The following PHACTR1 variants were observed in gnomAD, a reference collection of about 807,000 sequenced individuals.
The protein encoded by PHACTR1 is RPEL repeat containing 1.
Under a neutral mutation model 69.2 loss-of-function variants are expected in PHACTR1, and 16 were observed. The ratio of observed to expected loss-of-function variants is 0.23; its 90% CI spans 0.16 to 0.35. The LOEUF is 0.35. Among genes scored for constraint, PHACTR1 ranks in the 10% least tolerant of loss-of-function variants. The pLI is 1.00. For synonymous variants in PHACTR1, 312 were observed against 284.5 expected, an observed-to-expected ratio of 1.10 and a Z score of -0.97; for missense variants, 510 against 734.7, an observed-to-expected ratio of 0.69 and a Z score of 3.54.
At chr6:12,764,058 C>G (rs1768334373) in intron 4 of PHACTR1, among the ~76,000 whole-genome samples, 1 of 152,060 alleles carries the variant, frequency 6.6e-6, no homozygotes, top group African/African-American at 2.4e-5. Context: ...AATGGTGACA[C>G]TAATTTGGAG....
chr6:12,718,930 C>T lies in PHACTR1; in HGVS notation c.103+83C>T, dbSNP rs1038788949. ...CCATGTAGGCTGTAGCTGTTAAAGC[C>T]TTGCTCTGAAAGTTTAATAACCGGT... On this transcript the variant is annotated intron_variant, in intron 3 of 14. Coordinates refer to ENST00000332995, the MANE Select transcript of PHACTR1 (RefSeq NM_030948.6). 9 of 751,512 alleles carry T rather than the reference C, an allele frequency of 1.2e-5. No homozygotes were observed. In the African/African-American group the frequency reaches 1.6e-4, roughly 13 times the overall value. 46.6% of individuals were successfully genotyped at this position (751,512 alleles called of 1,614,324 possible).
At chr6:13,146,631 T>G (rs1823391614) in intron 5 of PHACTR1, among the ~76,000 whole-genome samples, 1 of 152,222 alleles carries the variant, frequency 6.6e-6, no homozygotes, top group East Asian at 1.9e-4. Flanking sequence ...TGCTATTATC[T>G]TTTAGGTAAC....
At chr6:13,190,063 G>A (rs139232839) in intron 7 of PHACTR1, among the ~76,000 whole-genome samples, 1,621 of 137,972 alleles carry the variant, frequency 0.012, 34 homozygotes, top group African/African-American at 0.042. Context: ...CTACTCCGTC[G>A]CCCAGGCTAG....
rs1323298798 is a variant in PHACTR1, at chr6:13,283,425, A to T, written c.1513A>T (p.Ser505Cys). ...CCATCTCTCTCCCTCCCTGCAGCTC[A>T]GTCAAAGGCCCACGGTGGAAGAGCT... ...EIKRRLTRKL[S>C]QRPTVEELRE... Residue 505 changes from serine to cysteine, a missense_variant, in exon 13 of 15, where the codon AGT becomes TGT. Transcript: ENST00000332995. This position sits in a 1 kb window ranked among gnomAD's most constrained non-coding sequence, Gnocchi z 4.7. 1 of 1,613,410 alleles carries T rather than the reference A, an allele frequency of 6.2e-7. No individual in the cohort carries two copies. Among genetic ancestry groups the T allele is most frequent in the Non-Finnish European group, 8.5e-7 (1 of 1,179,750 alleles).
At chr6:12,942,706 G>C (rs532029857) in intron 4 of PHACTR1, among the ~76,000 whole-genome samples, 2 of 152,182 alleles carry the variant, frequency 1.3e-5, no homozygotes, top group Non-Finnish European at 2.9e-5. Context: ...ACAAGCCTGG[G>C]ATTGGAATTC....
At chr6:13,086,287 G>T (rs1380514880) in intron 5 of PHACTR1, among the ~76,000 whole-genome samples, 1 of 152,048 alleles carries the variant, frequency 6.6e-6, no homozygotes, top group African/African-American at 2.4e-5. Context: ...TCTAGCCAGT[G>T]TGCAATTAAA....
intron 5 of PHACTR1, among the ~76,000 whole-genome samples, chr6:13,129,728 T>G (rs777729409): frequency 6.6e-6 from 1 of 152,168 alleles, no homozygotes; most frequent in Non-Finnish European, 1.5e-5. Context: ...AATACTCCAC[T>G]GACAACACTA....
At chr6:13,254,953 AAGGCAGG>A (rs1171462700) in intron 10 of PHACTR1, among the ~76,000 whole-genome samples, 1 of 152,240 alleles carries the variant, frequency 6.6e-6, no homozygotes, top group Non-Finnish European at 1.5e-5. Flanking sequence ...TTAGCTCCCC[AAGGCAGG>A]AAAGCAACAC....
intron 5 of PHACTR1, among the ~76,000 whole-genome samples, chr6:13,092,421 C>A (rs185428644): frequency 6.6e-6 from 1 of 152,272 alleles, no homozygotes; most frequent in East Asian, 1.9e-4. Flanking sequence ...AGATGTCATT[C>A]CTGCTGTTAA....
intron 4 of PHACTR1, among the ~76,000 whole-genome samples, chr6:12,785,780 A>T (rs1049475800): frequency 6.6e-6 from 1 of 152,180 alleles, no homozygotes; most frequent in Non-Finnish European, 1.5e-5. Context: ...TGTTTATGTT[A>T]TATGTACCAT....
intron 4 of PHACTR1, among the ~76,000 whole-genome samples, chr6:12,900,623 A>G (rs977989481): frequency 6.6e-6 from 1 of 152,178 alleles, no homozygotes; most frequent in Non-Finnish European, 1.5e-5. Flanking sequence ...ACCTGAGCCC[A>G]GGAGGTAGAG....
At chr6:12,948,714 G>A (rs987216183) in intron 4 of PHACTR1, among the ~76,000 whole-genome samples, 1 of 152,084 alleles carries the variant, frequency 6.6e-6, no homozygotes, top group Non-Finnish European at 1.5e-5. Context: ...AGGTAATTGA[G>A]GCCATATTTA....
intron 5 of PHACTR1, among the ~76,000 whole-genome samples, chr6:13,108,789 G>C (rs771260518): frequency 4.6e-5 from 7 of 151,804 alleles, no homozygotes; most frequent in Non-Finnish European, 8.8e-5. Context: ...TAGTGATCAG[G>C]ATTTTATTTT....
chr6:13,072,618 C>G lies in PHACTR1; in HGVS notation c.415+19089C>G, dbSNP rs140990059. Among the ~76,000 whole-genome samples the G allele has an allele frequency of 6.6e-3, 1,002 of 152,284 alleles. 6 individuals are homozygous for G. The highest frequency in any genetic ancestry group is 0.022 in the African/African-American group (905 of 41,544). On this transcript the variant is annotated intron_variant, in intron 5 of 14. Transcript: ENST00000332995. ...TAGCTCACTGCTGAGTAGTCACCCT[C>G]CTAATTCTAAAACATTCCCTTGGTT...
At chr6:12,959,274 A>G (rs1034156485) in intron 4 of PHACTR1, among the ~76,000 whole-genome samples, 2 of 151,902 alleles carry the variant, frequency 1.3e-5, no homozygotes, top group Admixed American at 6.6e-5. Context: ...ATATTTGTAT[A>G]TCGGAATTAA....
chr6:12,921,379 T>A (rs1787634436), intron 4 of PHACTR1, among the ~76,000 whole-genome samples: 1 of 151,104 alleles, frequency 6.6e-6, no homozygotes, highest in East Asian at 1.9e-4. Flanking sequence ...CACACAGAAA[T>A]GAAAAAGACA....
chr6:13,196,047 A>G (rs774292282), intron 7 of PHACTR1, among the ~76,000 whole-genome samples: 3 of 152,124 alleles, frequency 2.0e-5, no homozygotes, highest in African/African-American at 4.8e-5. Flanking sequence ...CACTCCATCA[A>G]CAGAGACAGT....
rs574793162 is a variant in PHACTR1 at position 13,090,949 on chromosome 6, T to C, written c.415+37420T>C. 1.8e-4 allele frequency among the ~76,000 whole-genome samples: 27 copies of C among 147,222 alleles called. 1 individual carries two copies. In the South Asian group the frequency reaches 5.9e-3, roughly 32 times the overall value. On this transcript the variant is annotated intron_variant, in intron 5 of 14. Transcript: ENST00000332995. Reference sequence around the variant, plus strand: ...ATTGTAATATATAATGAAATAATTATACAACTCACCATAAAGTAGAATCAG... The same window carrying C: ...ATTGTAATATATAATGAAATAATTACACAACTCACCATAAAGTAGAATCAG...
intron 4 of PHACTR1, among the ~76,000 whole-genome samples, chr6:12,973,885 A>T (rs1447340947): frequency 1.3e-5 from 2 of 151,904 alleles, no homozygotes; most frequent in African/African-American, 2.4e-5. Flanking sequence ...CAAACAAACA[A>T]ACATATACAT....
Sources: gnomAD v4.1 joint callset for allele counts (sites outside exome capture counted in the v4.1 genomes callset) on GRCh38, gnomAD v4.1.1 for gene constraint, Gnocchi (gnomAD v3.1) non-coding constraint, MANE v1.5 for transcripts, NCBI Gene and HGNC (gene_info 2026-07-23, HGNC 2026-07-21) for gene names.